Variants in HTR2C observed in about 807,000 individuals in gnomAD.
HTR2C encodes 5-hydroxytryptamine receptor 2C, also known as 5-hydroxytryptamine (serotonin) receptor 2C, G protein-coupled.
HTR2C carries 5 observed loss-of-function variants against 21.0 expected under a neutral mutation model. The ratio of observed to expected loss-of-function variants is 0.24; its 90% confidence interval spans 0.12 to 0.50. HTR2C has a LOEUF of 0.50. Among genes scored for constraint, HTR2C ranks in the 20% least tolerant of loss-of-function variants. HTR2C has a pLI of 0.98. For missense variants in HTR2C, 271 were observed against 371.2 expected (o/e 0.73, Z 2.22); for synonymous variants, 150 against 145.3 (o/e 1.03, Z -0.23).
chrX:114,875,700 T>G (rs1391657341), intron 5 of HTR2C, among the ~76,000 whole-genome samples: 12 of 111,268 alleles, frequency 1.1e-4, no homozygotes, highest in Non-Finnish European at 2.3e-4. Context: ...CAAAGACTAT[T>G]TAACTATATA....
chrX:114,594,755 T>C (rs1279556115), intron 1 of HTR2C, among the ~76,000 whole-genome samples: 2 of 105,399 alleles, frequency 1.9e-5, no homozygotes, highest in African/African-American at 6.5e-5. Context: ...TTCATCCCAA[T>C]ATCTACTTTC....
intron 2 of HTR2C, among the ~76,000 whole-genome samples, chrX:114,661,416 A>ACC (rs1345985312): frequency 9.2e-6 from 1 of 108,606 alleles, no homozygotes; most frequent in African/African-American, 3.3e-5. Context: ...AAAAAAAAAA[A>ACC]CTATAATATC....
At position 114,907,371 on chromosome X, in the gene HTR2C, G is replaced by T; in HGVS notation, c.1333G>T (p.Val445Leu). Reference sequence around the variant, plus strand: ...GCAAGTTGAGAATTTAGAGTTACCAGTAAATCCCTCCAGTGTGGTTAGCGA... The same window carrying T: ...GCAAGTTGAGAATTTAGAGTTACCATTAAATCCCTCCAGTGTGGTTAGCGA... ...EMQVENLELP[V>L]NPSSVVSERI... Residue 445 changes from valine to leucine, a missense_variant, in exon 6 of 6, where the codon GTA (valine) becomes TTA (leucine). Val to Leu is a conservative substitution (Grantham distance 32). Coordinates refer to ENST00000276198, the MANE Select transcript of HTR2C (RefSeq NM_000868.4). 2.5e-6 allele frequency: 3 copies of T among 1,210,703 alleles called. No homozygotes were observed. Among genetic ancestry groups the T allele is most frequent in the Non-Finnish European group, 3.4e-6 (3 of 894,593 alleles).
intron 2 of HTR2C, among the ~76,000 whole-genome samples, chrX:114,705,204 A>C (rs1162331387): frequency 3.6e-4 from 40 of 110,394 alleles, no homozygotes; most frequent in South Asian, 1.2e-3. Flanking sequence ...TTGGAAAAAA[A>C]TACTTTAAAG....
At chrX:114,878,656 C>A (rs2071157431) in intron 5 of HTR2C, among the ~76,000 whole-genome samples, 1 of 110,985 alleles carries the variant, frequency 9.0e-6, no homozygotes, top group African/African-American at 3.3e-5. Flanking sequence ...GTTAATGTCT[C>A]ATTTAAATAC....
intron 4 of HTR2C, among the ~76,000 whole-genome samples, chrX:114,772,008 G>C (rs73569273): frequency 0.019 from 2,127 of 112,355 alleles, 54 homozygotes; most frequent in African/African-American, 0.065. Context: ...ACTGTGGTGA[G>C]AGGGGAATGA....
chrX:114,594,590 T>C (rs1556392055), intron 1 of HTR2C, among the ~76,000 whole-genome samples: 1 of 111,493 alleles, frequency 9.0e-6, no homozygotes, highest in Non-Finnish European at 1.9e-5. Context: ...TAAAGAACAT[T>C]GGAGATACTT....
chrX:114,761,833 G>T (rs1470819010), intron 4 of HTR2C, among the ~76,000 whole-genome samples: 1 of 90,923 alleles, frequency 1.1e-5, no homozygotes, highest in Non-Finnish European at 2.2e-5. Flanking sequence ...GATAAATAAG[G>T]CACCCTCCCC....
At chrX:114,694,641 C>T (rs988323197) in intron 2 of HTR2C, among the ~76,000 whole-genome samples, 3 of 109,123 alleles carry the variant, frequency 2.7e-5, no homozygotes, top group Non-Finnish European at 5.7e-5. Context: ...TACAGGCTCC[C>T]GCCACCATGA....
intron 4 of HTR2C, among the ~76,000 whole-genome samples, chrX:114,793,385 A>G (rs1205826128): frequency 1.8e-5 from 2 of 111,513 alleles, no homozygotes; most frequent in African/African-American, 6.5e-5. Flanking sequence ...TAATCTCTAT[A>G]CTTTCAGTTA....
At chrX:114,885,279 A>G (rs1031908954) in intron 5 of HTR2C, among the ~76,000 whole-genome samples, 6 of 111,807 alleles carry the variant, frequency 5.4e-5, no homozygotes, top group Admixed American at 9.6e-5. Flanking sequence ...TTAGATACAC[A>G]AATATTCACC....
intron 4 of HTR2C, among the ~76,000 whole-genome samples, chrX:114,781,141 G>A (rs1237374381): frequency 1.8e-5 from 2 of 110,929 alleles, no homozygotes; most frequent in Non-Finnish European, 3.8e-5. Flanking sequence ...AGAAGAAAGT[G>A]TCAAAAATGC....
chrX:114,809,226 A>C (rs1374943428), intron 4 of HTR2C, among the ~76,000 whole-genome samples: 1 of 109,515 alleles, frequency 9.1e-6, no homozygotes, highest in Non-Finnish European at 1.9e-5. Flanking sequence ...AGTTCTTCCC[A>C]TTCTTCCCTT....
chrX:114,670,960 G>A (rs1197491255), intron 2 of HTR2C, among the ~76,000 whole-genome samples: 7 of 112,001 alleles, frequency 6.2e-5, no homozygotes, highest in African/African-American at 2.3e-4. Flanking sequence ...TAAGTTACTG[G>A]CTATTGTCAC....
chrX:114,707,515 A>G (rs1167054687), intron 2 of HTR2C, among the ~76,000 whole-genome samples: 3 of 112,069 alleles, frequency 2.7e-5, no homozygotes, highest in Non-Finnish European at 3.8e-5. Context: ...TGTAAACATC[A>G]CTTTAAAAGC....
chrX:114,761,928 T>TATATGTGTATATATACGTGTATATAC (rs2069876174), intron 4 of HTR2C, among the ~76,000 whole-genome samples: 1 of 106,605 alleles, frequency 9.4e-6, no homozygotes, highest in African/African-American at 3.7e-5. Flanking sequence ...CGTGTATATA[T>TATATGTGTATATATACGTGTATATAC]ACATATATGT....
chrX:114,830,001 T>C (rs912301912), intron 4 of HTR2C, among the ~76,000 whole-genome samples: 7 of 111,713 alleles, frequency 6.3e-5, no homozygotes, highest in African/African-American at 2.3e-4. Context: ...GCATTTCCAT[T>C]TCTGCCAACA....
intron 5 of HTR2C, among the ~76,000 whole-genome samples, chrX:114,876,422 C>CTTTTTTTTTTTTTTTTTTTTTTTTTCT (rs60498146): frequency 1.6e-5 from 1 of 62,396 alleles, no homozygotes; most frequent in African/African-American, 6.1e-5. Context: ...CTTTTTCTTT[C>CTTTTTTTTTTTTTTTTTTTTTTTTTCT]TTTTTTTTTT....
chrX:114,657,744 A>C (rs1556409495), intron 2 of HTR2C, among the ~76,000 whole-genome samples: 1 of 111,503 alleles, frequency 9.0e-6, no homozygotes, highest in African/African-American at 3.2e-5. Flanking sequence ...GTACTTGTGC[A>C]CAACGTGCAG....
Sources: gnomAD v4.1 joint callset for allele counts (sites outside exome capture counted in the v4.1 genomes callset) on GRCh38, gnomAD v4.1.1 for gene constraint, MANE v1.5 for transcripts, NCBI Gene and HGNC (gene_info 2026-07-23, HGNC 2026-07-21) for gene names.